Variants in ERBB4 observed in about 807,000 individuals in gnomAD.
ERBB4 encodes the protein receptor tyrosine-protein kinase erbB-4.
ERBB4 carries 42 observed loss-of-function variants against 158.0 expected under a neutral mutation model. That is an observed-to-expected ratio of 0.27 (90% CI 0.21 to 0.34). The LOEUF (loss-of-function observed/expected upper bound fraction) is 0.34, where lower values mean the gene tolerates loss of function less well. ERBB4 is among the 10% of genes least tolerant of loss of function. ERBB4 has a pLI of 1.00. For synonymous variants in ERBB4, 583 were observed against 558.7 expected, an observed-to-expected ratio of 1.04 and a Z score of -0.61; for missense variants, 1,333 against 1,624.1, an observed-to-expected ratio of 0.82 and a Z score of 3.08.
intron 1 of ERBB4, among the ~76,000 whole-genome samples, chr2:212,312,812 T>A (rs1379557560): frequency 6.6e-6 from 1 of 150,820 alleles, no homozygotes; most frequent in Non-Finnish European, 1.5e-5. Context: ...TTCTTCCTTA[T>A]TTTAGAAGCA....
At chr2:212,439,085 T>C (rs1390795118) in intron 1 of ERBB4, among the ~76,000 whole-genome samples, 1 of 152,148 alleles carries the variant, frequency 6.6e-6, no homozygotes, top group Non-Finnish European at 1.5e-5. Flanking sequence ...AAGTAAGCAC[T>C]AGCTTTGAAA....
At chr2:211,418,448 G>A (rs1389195374) in intron 25 of ERBB4, among the ~76,000 whole-genome samples, 2 of 152,030 alleles carry the variant, frequency 1.3e-5, no homozygotes, top group Non-Finnish European at 2.9e-5. Flanking sequence ...AAAGTAAAAA[G>A]AAATCTACAG....
At chr2:211,738,793 A>G (rs1009815526) in intron 5 of ERBB4, among the ~76,000 whole-genome samples, 4 of 151,258 alleles carry the variant, frequency 2.6e-5, no homozygotes, top group South Asian at 2.1e-4. Flanking sequence ...CAGCCTCCCA[A>G]ATAGCTGAGA....
intron 19 of ERBB4, among the ~76,000 whole-genome samples, chr2:211,580,896 T>TA (rs2068081959): frequency 1.3e-4 from 1 of 7,952 alleles, no homozygotes; most frequent in Non-Finnish European, 2.6e-4. Flanking sequence ...TATATATATA[T>TA]ATATATATAT....
At chr2:211,421,347 A>C (rs2063510562) in intron 24 of ERBB4, among the ~76,000 whole-genome samples, 1 of 151,950 alleles carries the variant, frequency 6.6e-6, no homozygotes, top group Admixed American at 6.6e-5. Flanking sequence ...TACTGAGGAA[A>C]CATAATACAC....
chr2:211,909,736 G>T (rs1440323823), intron 3 of ERBB4, among the ~76,000 whole-genome samples: 2 of 151,694 alleles, frequency 1.3e-5, no homozygotes, highest in Admixed American at 1.3e-4. Flanking sequence ...GCACATGACT[G>T]TATGTGTGTT....
chr2:212,247,328 C>G (rs1443888884), intron 1 of ERBB4, among the ~76,000 whole-genome samples: 2 of 152,082 alleles, frequency 1.3e-5, no homozygotes, highest in African/African-American at 4.8e-5. Flanking sequence ...TCTATTACCT[C>G]TAGTGGAATG....
rs775475247 is a variant in ERBB4 at position 211,701,982 on chromosome 2, T to C, written c.1474A>G (p.Lys492Glu). The change falls in exon 12 of 28, where the codon AAA becomes GAA. Residue 492 changes from lysine (K) to glutamate (E), a missense_variant. Coordinates refer to ENST00000342788, the MANE Select transcript of ERBB4 (RefSeq NM_005235.3). Reference sequence around the variant, plus strand: ...ATGTACTTACTACAATTTTCAGCTTTTCTGTTGTCCCGGATTACTATTCTC... The same window carrying C: ...ATGTACTTACTACAATTTTCAGCTTCTCTGTTGTCCCGGATTACTATTCTC... ...NQRIVIRDNR[K>E]AENCTAEGMV... The C allele has an allele frequency of 5.6e-6, 9 of 1,613,544 alleles. No homozygotes were observed. The highest frequency in any genetic ancestry group is 5.9e-6 in the Non-Finnish European group (7 of 1,179,550).
intron 1 of ERBB4, among the ~76,000 whole-genome samples, chr2:212,299,606 T>A (rs1002542846): frequency 6.6e-6 from 1 of 151,538 alleles, no homozygotes; most frequent in Non-Finnish European, 1.5e-5. Context: ...TATATAATAA[T>A]GGCAGGGACA....
intron 2 of ERBB4, among the ~76,000 whole-genome samples, chr2:212,085,132 A>C (rs1031179815): frequency 1.2e-4 from 18 of 151,950 alleles, no homozygotes; most frequent in Admixed American, 4.0e-4. Flanking sequence ...TTCTTTAAAA[A>C]TGTGCATGCC....
rs533237770 is a variant in ERBB4, at chr2:212,374,069, CAT to C, written c.82+164378_82+164379del. 1.5e-3 allele frequency among the ~76,000 whole-genome samples: 119 copies of C among 77,498 alleles called. 6 individuals carry two copies. The highest frequency in any genetic ancestry group is 7.6e-3 in the African/African-American group (104 of 13,632). 50.8% of individuals were successfully genotyped at this position (77,498 alleles called of 152,430 possible). ...CCATATATATATATCCATATATATC[CAT>C]ATATATATCCATATATATCCATATA... On this transcript the variant is annotated intron_variant, in intron 1 of 27. Coordinates refer to ENST00000342788, the MANE Select transcript of ERBB4 (RefSeq NM_005235.3).
chr2:211,897,832 C>T (rs902812743), intron 3 of ERBB4, among the ~76,000 whole-genome samples: 2 of 152,100 alleles, frequency 1.3e-5, no homozygotes, highest in Non-Finnish European at 2.9e-5. Flanking sequence ...TAACCTCAAA[C>T]TCCTGGCCTC....
chr2:212,504,362 G>C (rs1253996051), intron 1 of ERBB4, among the ~76,000 whole-genome samples: 2 of 151,798 alleles, frequency 1.3e-5, no homozygotes, highest in African/African-American at 4.8e-5. Flanking sequence ...CAAGATTTCA[G>C]CCCCCTAAAT....
At chr2:211,525,020 A>G (rs1418023337) in intron 20 of ERBB4, among the ~76,000 whole-genome samples, 1 of 152,194 alleles carries the variant, frequency 6.6e-6, no homozygotes, top group Non-Finnish European at 1.5e-5. Context: ...TAGCCAAAGG[A>G]GAACTCACCA....
intron 1 of ERBB4, among the ~76,000 whole-genome samples, chr2:212,221,529 A>G (rs1879652): frequency 0.039 from 5,913 of 151,538 alleles, 369 homozygotes; most frequent in African/African-American, 0.13. Flanking sequence ...CTTTCCTCCA[A>G]TAGCTTTATT....
chr2:212,039,800 T>C (rs2077095793), intron 2 of ERBB4, among the ~76,000 whole-genome samples: 1 of 151,726 alleles, frequency 6.6e-6, no homozygotes, highest in Non-Finnish European at 1.5e-5. Context: ...CTGTGCTTCT[T>C]CTCCTAGAGA....
rs191670478 is a variant in ERBB4 at position 212,092,579 on chromosome 2, T to C, written c.234+32173A>G. ...TTTACAGAAATAGAATTTTAAAATATATTGAATATATACAAATTTAACTAA... is the reference window on the plus strand; with the variant it reads ...TTTACAGAAATAGAATTTTAAAATACATTGAATATATACAAATTTAACTAA... On this transcript the variant is annotated intron_variant, in intron 2 of 27. Transcript: ENST00000342788. Among the ~76,000 whole-genome samples the C allele has an allele frequency of 3.4e-3, 525 of 152,298 alleles. 3 individuals carry two copies. Among genetic ancestry groups the C allele is most frequent in the African/African-American group, 0.012 (504 of 41,562 alleles).
chr2:212,038,573 ACAATTGAGTTACT>A, intron 2 of ERBB4, among the ~76,000 whole-genome samples: 1 of 152,260 alleles, frequency 6.6e-6, no homozygotes, highest in East Asian at 1.9e-4. Flanking sequence ...GATTCTCAAA[ACAATTGAGTTACT>A]CGTTGATTCT....
At chr2:211,544,891 T>C (rs1263888124) in intron 20 of ERBB4, among the ~76,000 whole-genome samples, 2 of 152,046 alleles carry the variant, frequency 1.3e-5, no homozygotes, top group Admixed American at 1.3e-4. Context: ...CTGCCGTGGA[T>C]TGTCATTATA....
Sources: allele counts gnomAD v4.1 joint callset (sites outside exome capture counted in the v4.1 genomes callset), GRCh38; gene constraint gnomAD v4.1.1; transcripts MANE v1.5; gene names NCBI Gene and HGNC (gene_info 2026-07-23, HGNC 2026-07-21).